Variants in MAD1L1 observed in about 807,000 individuals in gnomAD.
MAD1L1 encodes mitotic spindle assembly checkpoint protein MAD1.
MAD1L1 carries 95 observed loss-of-function variants against 96.9 expected under a neutral mutation model. The observed-to-expected ratio is 0.98, with a 90% CI of 0.83 to 1.16. The LOEUF (loss-of-function observed/expected upper bound fraction) is 1.16, where lower values mean the gene tolerates loss of function less well. MAD1L1 is among the 50% of genes most tolerant of loss of function. The pLI, the probability that MAD1L1 is intolerant of heterozygous loss-of-function variation, is 0.00. For synonymous variants in MAD1L1, 473 were observed against 396.6 expected (o/e 1.19, Z -2.29); for missense variants, 1,007 against 954.4 (o/e 1.06, Z -0.73).
chr7:1,894,524 T>C (rs964023248), intron 18 of MAD1L1, among the ~76,000 whole-genome samples: 1 of 152,130 alleles, frequency 6.6e-6, no homozygotes, highest in African/African-American at 2.4e-5. Flanking sequence ...TCTTGCAGCC[T>C]CCGAAGTGAG....
chr7:2,097,390 G>T (rs1207647934), intron 11 of MAD1L1, among the ~76,000 whole-genome samples: 1 of 152,176 alleles, frequency 6.6e-6, no homozygotes, highest in South Asian at 2.1e-4. Flanking sequence ...AGGCAGCGAG[G>T]ACGTGGGGGC....
intron 12 of MAD1L1, among the ~76,000 whole-genome samples, chr7:2,026,900 CAAAT>C (rs1223901362): frequency 6.6e-6 from 1 of 151,862 alleles, no homozygotes; most frequent in African/African-American, 2.4e-5. Context: ...AAGAAAGTAA[CAAAT>C]TAATGAAATA....
In MAD1L1 at chr7:2,060,683, C is replaced by T. The variant is rs572164634; in HGVS notation, c.1218+8511G>A. Reference sequence around the variant, plus strand: ...GAAGTGGACGGCCACGAGGGGTCCCCGGGCCACGGCCATGGCAGCGCCACG... The same window carrying T: ...GAAGTGGACGGCCACGAGGGGTCCCTGGGCCACGGCCATGGCAGCGCCACG... On this transcript the variant is annotated intron_variant, in intron 12 of 18. Coordinates refer to ENST00000265854, the MANE Select transcript of MAD1L1 (RefSeq NM_001013836.2). Among the ~76,000 whole-genome samples the T allele has an allele frequency of 3.0e-4, 46 of 152,332 alleles. No individual in the cohort carries two copies. In the East Asian group the frequency reaches 7.7e-3, roughly 26 times the overall value.
rs1311745046 is a variant in MAD1L1 at position 2,169,775 on chromosome 7, T to A, written c.987-20537A>T. ...GAGCACAAAGGCCCACTGGGGGCAC[T>A]CGGAGCAGGGGCTGGACCACAGTCT... On this transcript the variant is annotated intron_variant, in intron 10 of 18. Coordinates refer to ENST00000265854, the MANE Select transcript of MAD1L1 (RefSeq NM_001013836.2). 1.1e-4 allele frequency among the ~76,000 whole-genome samples: 15 copies of A among 132,762 alleles called. 2 individuals are homozygous for A. The highest frequency in any genetic ancestry group is 5.1e-4 in the African/African-American group (15 of 29,692). The allele number at this position is 132,762 out of a possible 152,430, so 87.1% of individuals were successfully genotyped here.
chr7:1,879,402 C>A (rs1340761059), intron 18 of MAD1L1, among the ~76,000 whole-genome samples: 1 of 150,400 alleles, frequency 6.6e-6, no homozygotes, highest in East Asian at 2.0e-4. Context: ...TTGCAGTGAG[C>A]CGAGATCACT....
chr7:2,170,303 T>C (rs914920778), intron 10 of MAD1L1, among the ~76,000 whole-genome samples: 3 of 152,180 alleles, frequency 2.0e-5, no homozygotes, highest in Admixed American at 6.5e-5. Context: ...TGCCACCAGA[T>C]TGGCCCCAGG....
chr7:1,890,266 G>A (rs1321299485), intron 18 of MAD1L1, among the ~76,000 whole-genome samples: 2 of 152,200 alleles, frequency 1.3e-5, no homozygotes, highest in Non-Finnish European at 2.9e-5. Flanking sequence ...TTGGAAGTGT[G>A]GCCTATGGGG....
chr7:1,902,931 A>G (rs1025570529), intron 17 of MAD1L1, among the ~76,000 whole-genome samples: 1 of 151,352 alleles, frequency 6.6e-6, no homozygotes, highest in African/African-American at 2.4e-5. Context: ...TTCTTGTGGA[A>G]CTCATGATTG....
chr7:2,130,912 A>G (rs1362587447), intron 11 of MAD1L1, among the ~76,000 whole-genome samples: 1 of 152,230 alleles, frequency 6.6e-6, no homozygotes, highest in African/African-American at 2.4e-5. Flanking sequence ...CTAATGATGC[A>G]TTAAGCCTCT....
chr7:2,144,845 C>T (rs948668687), intron 11 of MAD1L1, among the ~76,000 whole-genome samples: 1 of 152,114 alleles, frequency 6.6e-6, no homozygotes, highest in East Asian at 1.9e-4. Flanking sequence ...GAGGCTTGAG[C>T]GTAAACCAGG....
chr7:1,996,395 G>A (rs1012855946), intron 14 of MAD1L1, among the ~76,000 whole-genome samples: 3 of 152,060 alleles, frequency 2.0e-5, no homozygotes, highest in South Asian at 2.1e-4. Context: ...GGGAAGCTCC[G>A]CCGGTGTCCT....
intron 11 of MAD1L1, among the ~76,000 whole-genome samples, chr7:2,121,463 C>A (rs1467939894): frequency 1.3e-5 from 2 of 152,234 alleles, no homozygotes; most frequent in Non-Finnish European, 2.9e-5. Context: ...GGGTCGTTAA[C>A]AGAGTCCCGG....
At chr7:1,841,537 G>A (rs1247276737) in intron 18 of MAD1L1, among the ~76,000 whole-genome samples, 2 of 152,218 alleles carry the variant, frequency 1.3e-5, no homozygotes, top group South Asian at 2.1e-4. Flanking sequence ...GTGGGCCCCA[G>A]GATGAAAGCG....
In MAD1L1 at chr7:1,910,963, T is replaced by C. The variant is rs558662635; in HGVS notation, c.1808-12573A>G. Among the ~76,000 whole-genome samples the C allele has an allele frequency of 2.1e-4, 32 of 152,342 alleles. No homozygotes were observed. In the Middle Eastern group the frequency reaches 0.01, roughly 49 times the overall value. ...GACCCCCAACCCTGCACCCATCCCGTGACCGGAGGCCCTGGCGGGGCCTGG... is the reference window on the plus strand; with the variant it reads ...GACCCCCAACCCTGCACCCATCCCGCGACCGGAGGCCCTGGCGGGGCCTGG... On this transcript the variant is annotated intron_variant, in intron 17 of 18. Coordinates refer to ENST00000265854, the MANE Select transcript of MAD1L1 (RefSeq NM_001013836.2).
intron 18 of MAD1L1, among the ~76,000 whole-genome samples, chr7:1,850,342 T>G (rs1226129174): frequency 6.6e-6 from 1 of 152,178 alleles, no homozygotes; most frequent in Non-Finnish European, 1.5e-5. Flanking sequence ...GCGCCCACCC[T>G]GCCTCCTAGG....
chr7:1,839,402 C>T (rs536345475), intron 18 of MAD1L1, among the ~76,000 whole-genome samples: 94 of 151,100 alleles, frequency 6.2e-4, no homozygotes, highest in Non-Finnish European at 1.1e-3. Context: ...CCTGCCCACC[C>T]GGTGCCATGG....
At chr7:2,132,435 C>T (rs10256817) in intron 11 of MAD1L1, among the ~76,000 whole-genome samples, 8,057 of 71,266 alleles carry the variant, frequency 0.11, 305 homozygotes, top group South Asian at 0.16. Context: ...TGCGACCGCG[C>T]GTCCACCATC....
At chr7:1,848,640 C>T (rs937053239) in intron 18 of MAD1L1, 7 of 154,408 alleles carry the variant, frequency 4.5e-5, no homozygotes, top group African/African-American at 1.7e-4. Flanking sequence ...ATTTGCGCTC[C>T]TGGTTCCGAG....
Position 2,119,069 on chromosome 7 carries a change from C to T in MAD1L1, c.1073+30083G>A, listed in dbSNP as rs913891279. Among the ~76,000 whole-genome samples the T allele has an allele frequency of 1.3e-5, 2 of 152,032 alleles. No homozygotes were observed. Among genetic ancestry groups the T allele is most frequent in the Non-Finnish European group, 2.9e-5 (2 of 67,994 alleles). ...AGACCCCTGCGCGGACAAGCAGGAG[C>T]GGCTGGGCTCGAGCTCCAGGGCTTC... On this transcript the variant is annotated intron_variant, in intron 11 of 18. Coordinates refer to ENST00000265854, the MANE Select transcript of MAD1L1 (RefSeq NM_001013836.2). The surrounding 1 kb of genome is among the most constrained non-coding windows in gnomAD (Gnocchi z 4.6).
Sources: allele counts gnomAD v4.1 joint callset (sites outside exome capture counted in the v4.1 genomes callset), GRCh38; gene constraint gnomAD v4.1.1; non-coding constraint Gnocchi (gnomAD v3.1); transcripts MANE v1.5; gene names NCBI Gene and HGNC (gene_info 2026-07-23, HGNC 2026-07-21).